The following WWOX variants were observed in gnomAD, a reference collection of about 807,000 sequenced individuals.
The protein encoded by WWOX is WW domain containing oxidoreductase, also known as WW domain-containing oxidoreductase.
A neutral mutation model predicts 46.2 loss-of-function variants in WWOX; 69 were observed. The ratio of observed to expected loss-of-function variants is 1.49; its 90% confidence interval spans 1.23 to 1.82. The LOEUF (loss-of-function observed/expected upper bound fraction) is 1.82. WWOX is among the 40% of genes most tolerant of loss of function. WWOX has a pLI of 0.00. For synonymous variants in WWOX, 359 were observed against 202.6 expected, an observed-to-expected ratio of 1.77 and a Z score of -6.56; for missense variants, 919 against 542.6, an observed-to-expected ratio of 1.69 and a Z score of -6.89.
chr16:78,453,422 C>G (rs1279480407), intron 8 of WWOX, among the ~76,000 whole-genome samples: 2 of 107,130 alleles, frequency 1.9e-5, no homozygotes, highest in African/African-American at 6.7e-5. Context: ...GACTATGTCT[C>G]AAAAAAAAAA....
chr16:78,312,870 C>A (rs901463146), intron 5 of WWOX, among the ~76,000 whole-genome samples: 1 of 152,176 alleles, frequency 6.6e-6, no homozygotes, highest in Non-Finnish European at 1.5e-5. Flanking sequence ...GGTGGTAGCA[C>A]GCAGGGCCTC....
chr16:78,540,020 T>TCTCTCTCTCTCTCTCA (rs369075883), intron 8 of WWOX, among the ~76,000 whole-genome samples: 1 of 132,854 alleles, frequency 7.5e-6, no homozygotes, highest in African/African-American at 3.0e-5. Context: ...TCTCTCTCTC[T>TCTCTCTCTCTCTCTCA]CACACACACA....
intron 8 of WWOX, among the ~76,000 whole-genome samples, chr16:78,848,548 G>A (rs1016903059): frequency 2.0e-5 from 3 of 152,280 alleles, no homozygotes; most frequent in Admixed American, 2.0e-4. Flanking sequence ...TTTATGTGGT[G>A]TTGCCTAAGG....
At chr16:78,661,879 C>CA (rs1401264790) in intron 8 of WWOX, among the ~76,000 whole-genome samples, 1 of 152,080 alleles carries the variant, frequency 6.6e-6, no homozygotes, top group Non-Finnish European at 1.5e-5. Flanking sequence ...CTCATCTCTA[C>CA]AAAAAATACA....
At chr16:78,364,076 G>A (rs1179543159) in intron 5 of WWOX, among the ~76,000 whole-genome samples, 1 of 152,198 alleles carries the variant, frequency 6.6e-6, no homozygotes, top group African/African-American at 2.4e-5. Flanking sequence ...CAAGGTTGAA[G>A]GTTCCTTCAG....
At chr16:78,619,197 ATATATATATATATATATG>A in intron 8 of WWOX, among the ~76,000 whole-genome samples, 1 of 39,638 alleles carries the variant, frequency 2.5e-5, no homozygotes, top group Non-Finnish European at 4.3e-5. Flanking sequence ...ATATATATAT[ATATATATATATATATATG>A]TAGCCATGCA....
At chr16:78,649,502 C>G (rs1330159925) in intron 8 of WWOX, among the ~76,000 whole-genome samples, 1 of 152,134 alleles carries the variant, frequency 6.6e-6, no homozygotes, top group Non-Finnish European at 1.5e-5. Flanking sequence ...GTGTTGAACT[C>G]CTGGCCTCAA....
intron 8 of WWOX, among the ~76,000 whole-genome samples, chr16:78,767,302 AT>A (rs1282433170): frequency 6.6e-6 from 1 of 151,436 alleles, no homozygotes; most frequent in African/African-American, 2.4e-5. Context: ...TTTTATTATT[AT>A]TTTTTTATTT....
intron 8 of WWOX, among the ~76,000 whole-genome samples, chr16:78,874,096 T>TA (rs1346130217): frequency 7.0e-5 from 10 of 142,984 alleles, no homozygotes; most frequent in Non-Finnish European, 1.3e-4. Context: ...CTAAAATTAT[T>TA]TAAAAAAAAA....
intron 8 of WWOX, among the ~76,000 whole-genome samples, chr16:78,651,224 G>A (rs768065589): frequency 1.3e-4 from 20 of 152,368 alleles, no homozygotes; most frequent in Middle Eastern, 3.4e-3. Context: ...CCTCTTTCAC[G>A]TGTGTGCATC....
At chr16:78,453,409 C>A (rs1254358151) in intron 8 of WWOX, among the ~76,000 whole-genome samples, 1 of 146,508 alleles carries the variant, frequency 6.8e-6, no homozygotes, top group South Asian at 2.2e-4. Context: ...GGCGCATGAG[C>A]GAGACTATGT....
At chr16:78,482,235 A>AT (rs910018374) in intron 8 of WWOX, among the ~76,000 whole-genome samples, 1 of 151,780 alleles carries the variant, frequency 6.6e-6, no homozygotes, top group Non-Finnish European at 1.5e-5. Flanking sequence ...TAACTCCATA[A>AT]TTTTTTTTAT....
intron 8 of WWOX, among the ~76,000 whole-genome samples, chr16:79,194,282 G>A (rs903709865): frequency 1.3e-5 from 2 of 152,032 alleles, no homozygotes; most frequent in Admixed American, 1.3e-4. Context: ...TTTTTCCTTT[G>A]GCCTTCAAAG....
At chr16:78,920,372 T>C (rs1422088146) in intron 8 of WWOX, among the ~76,000 whole-genome samples, 1 of 152,178 alleles carries the variant, frequency 6.6e-6, no homozygotes, top group African/African-American at 2.4e-5. Context: ...TGGGTGCAGA[T>C]GTGATGCTTT....
Position 78,334,923 on chromosome 16 carries a change from T to TAA in WWOX, c.517-51937_517-51936insAA, listed in dbSNP as rs1555521541. 1.1e-3 allele frequency among the ~76,000 whole-genome samples: 146 copies of TAA among 138,206 alleles called. 1 individual carries two copies. The highest frequency in any genetic ancestry group is 2.5e-3 in the East Asian group (12 of 4,722). 90.7% of individuals were successfully genotyped at this position (138,206 alleles called of 152,430 possible). A position where few individuals can be genotyped will look rare whatever the true frequency, so the allele number is the denominator to read the frequency against. ...CTCATTGAGGAGATACCATCTTTTT[T>TAA]TAAAAAAAAAAAAAAGGCAGCAAAA... On this transcript the variant is annotated intron_variant, in intron 5 of 8. Transcript: ENST00000566780.
intron 8 of WWOX, among the ~76,000 whole-genome samples, chr16:78,749,633 T>G (rs1173452566): frequency 2.0e-5 from 3 of 152,110 alleles, no homozygotes. Flanking sequence ...TGAATTAGGG[T>G]GGAGGAAGTG....
intron 8 of WWOX, among the ~76,000 whole-genome samples, chr16:78,862,999 GC>G (rs1399442267): frequency 7.8e-6 from 1 of 127,980 alleles, no homozygotes; most frequent in African/African-American, 3.0e-5. Context: ...TTGCTCTGTT[GC>G]CAGGGTGGAG....
intron 8 of WWOX, among the ~76,000 whole-genome samples, chr16:78,745,522 C>A (rs1376327387): frequency 1.1e-5 from 1 of 92,752 alleles, no homozygotes; most frequent in Non-Finnish European, 2.1e-5. Flanking sequence ...TGTGGAAATC[C>A]TTTTTTTTTT....
intron 8 of WWOX, among the ~76,000 whole-genome samples, chr16:79,064,836 T>C (rs997134465): frequency 2.0e-5 from 3 of 152,210 alleles, no homozygotes; most frequent in Non-Finnish European, 4.4e-5. Flanking sequence ...TTATCTGCCC[T>C]GGAATGGCAT....
Sources: gnomAD v4.1 joint callset for allele counts (sites outside exome capture counted in the v4.1 genomes callset) on GRCh38, gnomAD v4.1.1 for gene constraint, MANE v1.5 for transcripts, NCBI Gene and HGNC (gene_info 2026-07-23, HGNC 2026-07-21) for gene names.